HIF1A: variants seen among roughly 807,000 people sequenced by gnomAD.
HIF1A encodes the protein hypoxia inducible factor 1 subunit alpha.
In HIF1A, 24 loss-of-function variants were observed where a neutral mutation model predicts 92.7. That is an observed-to-expected ratio of 0.26 (90% CI 0.19 to 0.36). HIF1A has a LOEUF of 0.36. Among genes scored for constraint, HIF1A ranks in the 10% least tolerant of loss-of-function variants. The pLI, the probability that HIF1A is intolerant of heterozygous loss-of-function variation, is 1.00. For synonymous variants in HIF1A, 319 were observed against 338.7 expected (o/e 0.94, Z 0.64); for missense variants, 799 against 998.5 (o/e 0.80, Z 2.69).
At chr14:61,724,367 C>CTCTCTCTCTG (rs1031099035) in intron 4 of HIF1A, among the ~76,000 whole-genome samples, 1 of 149,968 alleles carries the variant, frequency 6.7e-6, no homozygotes. Context: ...CTCTCTCTCT[C>CTCTCTCTCTG]TCTCTCTCTC....
intron 14 of HIF1A, among the ~76,000 whole-genome samples, chr14:61,746,423 G>T (rs2044790663): frequency 8.2e-6 from 1 of 122,002 alleles, no homozygotes; most frequent in African/African-American, 4.9e-5. Flanking sequence ...TTGAGACAGG[G>T]TCTCGCTCTG....
intron 12 of HIF1A, among the ~76,000 whole-genome samples, chr14:61,742,547 T>A (rs1023388884): frequency 6.6e-6 from 1 of 152,190 alleles, no homozygotes; most frequent in Admixed American, 6.5e-5. Flanking sequence ...ATTTTAGTGA[T>A]ACTAATACTT....
At chr14:61,733,992 G>A (rs1428237688) in intron 7 of HIF1A, 146 bp from the exon 8 acceptor site, 1 of 524,386 alleles carries the variant, frequency 1.9e-6, no homozygotes, top group Non-Finnish European at 3.2e-6. Context: ...GGGACGCACT[G>A]TCAGAATGTA....
chr14:61,741,782 T>A (rs1038854480), intron 12 of HIF1A, among the ~76,000 whole-genome samples: 1 of 152,194 alleles, frequency 6.6e-6, no homozygotes, highest in Non-Finnish European at 1.5e-5. Context: ...TTTACAGAAC[T>A]TGTTTAAAGT....
chr14:61,725,897 G>A (rs540599826), intron 4 of HIF1A, among the ~76,000 whole-genome samples: 7 of 149,938 alleles, frequency 4.7e-5, no homozygotes, highest in Admixed American at 4.0e-4. Context: ...TCAGCTCACT[G>A]CAACCTCTGC....
chr14:61,726,330 T>C (rs1259336418), intron 4 of HIF1A: 1 of 155,184 alleles, frequency 6.4e-6, no homozygotes, highest in African/African-American at 2.4e-5. Flanking sequence ...GCTAACACAT[T>C]CAGGAAAGGA....
chr14:61,734,144 C>A lies in HIF1A; in HGVS notation c.887C>A (p.Thr296Asn). The change falls in exon 8 of 15, where the codon ACT becomes AAT. Residue 296 changes from threonine (T) to asparagine (N), a missense_variant. Around this residue, in one of 2 missense-constraint regions of HIF1A, gnomAD observed 516 missense variants for 721.0 expected, o/e 0.72. Transcript: ENST00000337138. ...HLTKTHHDMFTKGQVTTGQYR... is the reference protein window; with the variant it reads ...HLTKTHHDMFNKGQVTTGQYR... ...TTTTTCTTTTCCCCCCTAGTGTTTA[C>A]TAAAGGACAAGTCACCACAGGACAG... The A allele has an allele frequency of 1.9e-6, 3 of 1,564,088 alleles. No individual in the cohort carries two copies. The highest frequency in any genetic ancestry group is 2.6e-6 in the Non-Finnish European group (3 of 1,159,644).
chr14:61,698,744 G>A (rs1257807428), intron 1 of HIF1A, among the ~76,000 whole-genome samples: 3 of 152,154 alleles, frequency 2.0e-5, no homozygotes, highest in Non-Finnish European at 4.4e-5. Context: ...TTGGCACCTA[G>A]TATCAGTTAT....
At chr14:61,697,930 T>C in intron 1 of HIF1A, 1 of 1,519,446 alleles carries the variant, frequency 6.6e-7, no homozygotes, top group Non-Finnish European at 8.8e-7. Flanking sequence ...CCTGAAGAAT[T>C]GGAAGAAATC....
In HIF1A at chr14:61,726,778, G is replaced by C. The variant is rs2044510593; in HGVS notation, c.530G>C (p.Ser177Thr). The change falls in exon 5 of 15, where the codon AGC (serine) becomes ACC (threonine). Residue 177 changes from serine to threonine, a missense_variant. Physicochemically the swap from Ser to Thr is moderately conservative, Grantham distance 58 (BLOSUM62 1). Transcript: ENST00000337138. ...FFLRMKCTLT[S>T]RGRTMNIKSA... is the part of the protein sequence containing the mutation. The stretch of plus-strand genomic sequence containing the variant: ...CTCAGAATGAAGTGTACCCTAACTA[G>C]CCGAGGAAGAACTATGAACATAAAG... 6.2e-7 allele frequency: 1 copy of C among 1,608,638 alleles called. No homozygotes were observed. Among genetic ancestry groups the C allele is most frequent in the African/African-American group, 1.3e-5 (1 of 74,730 alleles).
intron 6 of HIF1A, among the ~76,000 whole-genome samples, chr14:61,731,512 A>G (rs1227179034): frequency 6.6e-6 from 1 of 152,230 alleles, no homozygotes; most frequent in Non-Finnish European, 1.5e-5. Flanking sequence ...ATTTCATGTA[A>G]TGCCAAAAAC....
At chr14:61,733,971 T>G (rs952645572) in intron 7 of HIF1A, among the ~76,000 whole-genome samples, 167 bp from the exon 8 acceptor site, 2 of 152,236 alleles carry the variant, frequency 1.3e-5, no homozygotes, top group Non-Finnish European at 2.9e-5. Flanking sequence ...GGGTACATTT[T>G]CAGCTATTCT....
chr14:61,736,337 T>A lies in HIF1A; in HGVS notation c.1029-552T>A, dbSNP rs185072432. On this transcript the variant is annotated intron_variant, in intron 8 of 14. Coordinates refer to ENST00000337138, the MANE Select transcript of HIF1A (RefSeq NM_001530.4). ...TTATCTTGTACTGGGGATTTTTTTT[T>A]TAATTTCAACTTTTATTTTTGATTC... Among the ~76,000 whole-genome samples the A allele has an allele frequency of 6.5e-4, 99 of 152,312 alleles. No homozygotes were observed. The East Asian group carries it at 0.017, about 26-fold the overall frequency.
At chr14:61,743,110 G>C (rs756165640) in intron 12 of HIF1A, among the ~76,000 whole-genome samples, 2 of 152,042 alleles carry the variant, frequency 1.3e-5, no homozygotes, top group Non-Finnish European at 2.9e-5. Flanking sequence ...TGTTGCCCAG[G>C]CTGGAGTGCA....
intron 1 of HIF1A, among the ~76,000 whole-genome samples, chr14:61,709,567 T>A (rs575142224): frequency 6.6e-6 from 1 of 152,304 alleles, no homozygotes; most frequent in South Asian, 2.1e-4. Flanking sequence ...ATCCATCTTT[T>A]CTTTAATTAT....
chr14:61,735,651 C>A (rs562840316), intron 8 of HIF1A, among the ~76,000 whole-genome samples: 1 of 152,164 alleles, frequency 6.6e-6, no homozygotes, highest in Non-Finnish European at 1.5e-5. Flanking sequence ...ACATTTAATA[C>A]GTTAATTAAA....
intron 11 of HIF1A, 44 bp downstream of exon 11, chr14:61,740,671 A>G (rs1223129566): frequency 6.5e-7 from 1 of 1,548,324 alleles, no homozygotes; most frequent in Non-Finnish European, 8.7e-7. Flanking sequence ...ATTAATTTTT[A>G]GTCTGAAGTG....
chr14:61,734,128 TCCCCC>T lies in HIF1A; in HGVS notation c.881-8_881-4del. The T allele has an allele frequency of 6.6e-7, 1 of 1,512,776 alleles. No individual in the cohort carries two copies. The highest frequency in any genetic ancestry group is 8.9e-7 in the Non-Finnish European group (1 of 1,127,612). The allele number at this position is 1,512,776 out of a possible 1,614,324, so 93.7% of individuals were successfully genotyped here. A position where few individuals can be genotyped will look rare whatever the true frequency, so the allele number is the denominator to read the frequency against. ...TTTCTCTGCATGATTCTTTTTCTTT[TCCCCC>T]CTAGTGTTTACTAAAGGACAAGTCA... On this transcript the variant is annotated splice_polypyrimidine_tract_variant and splice_region_variant and intron_variant, in intron 7 of 14. Coordinates refer to ENST00000337138, the MANE Select transcript of HIF1A (RefSeq NM_001530.4).
At position 61,738,191 on chromosome 14, in the gene HIF1A, C is replaced by A. The variant is rs185838383; in HGVS notation, c.1354C>A (p.Pro452Thr). Reference protein sequence around the residue: ...KLQNINLAMSPLPTAETPKPL... With the variant: ...KLQNINLAMSTLPTAETPKPL... ...ACAGAATATAAATTTGGCAATGTCT[C>A]CATTACCCACCGCTGAAACGCCAAA... is the stretch of plus-strand genomic sequence containing the variant. The change falls in exon 10 of 15, where the codon CCA becomes ACA. Residue 452 changes from proline to threonine, a missense_variant. Physicochemically the swap from Pro to Thr is conservative, Grantham distance 38. This residue lies in a region of HIF1A where 516 missense variants were observed against 721.0 expected (regional missense o/e 0.72). Coordinates refer to ENST00000337138, the MANE Select transcript of HIF1A (RefSeq NM_001530.4). The A allele has an allele frequency of 3.7e-6, 6 of 1,613,980 alleles. No homozygotes were observed. The African/African-American group carries it at 5.3e-5, about 14-fold the overall frequency.
Sources: allele counts gnomAD v4.1 joint callset (sites outside exome capture counted in the v4.1 genomes callset), GRCh38; gene constraint gnomAD v4.1.1; regional missense constraint gnomAD v4.1.1; transcripts MANE v1.5; gene names NCBI Gene and HGNC (gene_info 2026-07-23, HGNC 2026-07-21).